The following PSG8 variants were observed in gnomAD, a reference collection of about 807,000 sequenced individuals.
PSG8 encodes the protein pregnancy-specific beta-1-glycoprotein 8.
In PSG8, 57 loss-of-function variants were observed where a neutral mutation model predicts 42.5. That is an observed-to-expected ratio of 1.34 (90% CI 1.08 to 1.67). The LOEUF (loss-of-function observed/expected upper bound fraction) is 1.67, where lower values mean the gene tolerates loss of function less well. Among genes scored for constraint, PSG8 ranks in the 40% most tolerant of loss-of-function variants. The pLI is 0.00. For synonymous variants in PSG8, 280 were observed against 196.8 expected (o/e 1.42, Z -3.54); for missense variants, 783 against 518.6 (o/e 1.51, Z -4.95).
downstream of PSG8, chr19:42,754,032 A>T: frequency 1.1e-6 from 1 of 940,456 alleles, no homozygotes; most frequent in Non-Finnish European, 1.6e-6. Context: ...AAACCATTTA[A>T]AGAATCAGCA....
At chr19:42,765,007 T>G (rs1368960980) in intron 1 of PSG8, among the ~76,000 whole-genome samples, 6 of 152,228 alleles carry the variant, frequency 3.9e-5, no homozygotes, top group Non-Finnish European at 8.8e-5. Context: ...TGGCCCCTGA[T>G]GATTAATCAG....
At chr19:42,765,379 C>T in intron 1 of PSG8, 139 bp downstream of exon 1, 1 of 1,372,470 alleles carries the variant, frequency 7.3e-7, no homozygotes. Flanking sequence ...ATCTTGAACT[C>T]CTGATCTCAT....
chr19:42,765,254 G>A (rs955857918), intron 1 of PSG8, among the ~76,000 whole-genome samples: 11 of 151,538 alleles, frequency 7.3e-5, no homozygotes, highest in Admixed American at 2.0e-4. Flanking sequence ...CTGGGTTCAC[G>A]TGATTCTTCT....
At chr19:42,760,602 A>C (rs1285721366) in intron 2 of PSG8, among the ~76,000 whole-genome samples, 1 of 151,458 alleles carries the variant, frequency 6.6e-6, no homozygotes, top group Non-Finnish European at 1.5e-5. Context: ...TTTTTTTCTG[A>C]GACAGAGTCT....
chr19:42,761,139 G>C lies in PSG8; in HGVS notation c.430+2777C>G, dbSNP rs550015905. On this transcript the variant is annotated intron_variant, in intron 2 of 4. Coordinates refer to ENST00000306511, the MANE Select transcript of PSG8 (RefSeq NM_182707.3). The stretch of plus-strand genomic sequence containing the variant: ...CGTGCAAAGATTACAACAGTGACAG[G>C]AAACTAGCATGCCTGACTCCATCTG... 2.6e-5 allele frequency among the ~76,000 whole-genome samples: 4 copies of C among 152,248 alleles called. No individual in the cohort carries two copies. The South Asian group carries it at 6.2e-4, about 24-fold the overall frequency.
chr19:42,759,616 A>G (rs1487934645), intron 2 of PSG8, among the ~76,000 whole-genome samples: 2 of 152,132 alleles, frequency 1.3e-5, no homozygotes, highest in African/African-American at 2.4e-5. Flanking sequence ...GTTTTGGAGC[A>G]TTTCAGATTG....
At chr19:42,759,420 A>T (rs1005383527) in intron 2 of PSG8, among the ~76,000 whole-genome samples, 2 of 152,314 alleles carry the variant, frequency 1.3e-5, no homozygotes, top group Admixed American at 1.3e-4. Flanking sequence ...TCTATAGTTC[A>T]TACAGATAAA....
At chr19:42,757,337 C>G (rs890658615) in intron 3 of PSG8, among the ~76,000 whole-genome samples, 1 of 152,092 alleles carries the variant, frequency 6.6e-6, no homozygotes. Flanking sequence ...CAGGGATCCA[C>G]TTACCAGGGA....
chr19:42,760,148 G>A (rs1314275818), intron 2 of PSG8, among the ~76,000 whole-genome samples: 1 of 152,176 alleles, frequency 6.6e-6, no homozygotes, highest in Non-Finnish European at 1.5e-5. Flanking sequence ...AACACCACTA[G>A]AGTTTAAGTT....
chr19:42,763,990 G>C lies in PSG8; in HGVS notation c.356C>G (p.Ser119Cys), dbSNP rs190921232. Residue 119 changes from serine to cysteine, a missense_variant, in exon 2 of 5, where the codon TCC (serine) becomes TGC (cysteine). Physicochemically the swap from Ser to Cys is moderately radical, Grantham distance 112. Coordinates refer to ENST00000306511, the MANE Select transcript of PSG8 (RefSeq NM_182707.3). ...TCCCATTATGATGTGTAAGGTGTAG[G>C]ATCCTGCGTCTTCCTGGGTGACATT... is the stretch of plus-strand genomic sequence containing the variant. ...IQNVTQEDAG[S>C]YTLHIIMGGD... 1 of 1,588,296 alleles carries C rather than the reference G, an allele frequency of 6.3e-7. No individual in the cohort carries two copies. The highest frequency in any genetic ancestry group is 2.2e-5 in the East Asian group (1 of 44,586).
chr19:42,758,170 A>T lies in PSG8; in HGVS notation c.541T>A (p.Trp181Arg). ...PETPDASYLW[W>R]MNGQSLPMSH... ...ATAGGGAGGCTCTGACCATTCATCC[A>T]CCACAGGTAGCTTGCGTCCGGAGTC... The change falls in exon 3 of 5, where the codon TGG becomes AGG. Residue 181 changes from tryptophan (W) to arginine (R), a missense_variant. Coordinates refer to ENST00000306511, the MANE Select transcript of PSG8 (RefSeq NM_182707.3). The T allele has an allele frequency of 6.2e-7, 1 of 1,614,014 alleles. No individual in the cohort carries two copies. The highest frequency in any genetic ancestry group is 2.2e-5 in the East Asian group (1 of 44,874).
At chr19:42,764,317 G>C (rs13382060) in intron 1 of PSG8, 36 bp from the exon 2 acceptor site, 137,159 of 1,591,542 alleles carry the variant, frequency 0.086, 9,726 homozygotes, top group African/African-American at 0.36. Context: ...AATATTGAGA[G>C]CTATGTATTG....
intron 2 of PSG8, among the ~76,000 whole-genome samples, chr19:42,760,699 C>T (rs1042268141): frequency 1.3e-5 from 2 of 152,078 alleles, no homozygotes; most frequent in Admixed American, 1.3e-4. Flanking sequence ...TCTCCTGCCT[C>T]AGCCTCCCAA....
In PSG8 at chr19:42,764,061, G is replaced by C. The variant is rs775439993; in HGVS notation, c.285C>G (p.Tyr95Ter). The part of the protein sequence containing the change: ...DGQIIIYGPA[Y>*]SGRETIYSNA... Reference sequence around the variant, plus strand: ...TGGAATATATTGTTTCTCGTCCACTGTATGCAGGCCCATATATAATTATTT... The same window carrying C: ...TGGAATATATTGTTTCTCGTCCACTCTATGCAGGCCCATATATAATTATTT... Residue 95 changes from tyrosine to a stop codon, truncating the protein, a stop_gained, in exon 2 of 5, where the codon TAC becomes TAG. Transcript: ENST00000306511. LOFTEE classifies it high-confidence loss of function. 1 of 1,613,792 alleles carries C rather than the reference G, an allele frequency of 6.2e-7. No homozygotes were observed. Among genetic ancestry groups the C allele is most frequent in the South Asian group, 1.1e-5 (1 of 91,060 alleles).
chr19:42,764,947 A>C (rs1970178429), intron 1 of PSG8, among the ~76,000 whole-genome samples: 2 of 151,702 alleles, frequency 1.3e-5, no homozygotes, highest in Admixed American at 1.3e-4. Flanking sequence ...GTATATTTTT[A>C]TGTGAAGTGT....
At chr19:42,757,579 TG>T (rs1337372400) in intron 3 of PSG8, among the ~76,000 whole-genome samples, 1 of 151,928 alleles carries the variant, frequency 6.6e-6, no homozygotes, top group African/African-American at 2.4e-5. Context: ...GAGGAAATGG[TG>T]GGGGCATCCA....
chr19:42,758,335 A>G lies in PSG8; in HGVS notation c.431-55T>C, dbSNP rs1041682180. The G allele has an allele frequency of 1.9e-4, 299 of 1,578,940 alleles. 1 individual carries two copies. Among genetic ancestry groups the G allele is most frequent in the Non-Finnish European group, 2.5e-4 (288 of 1,162,932 alleles). ...TGTGTGGCACCTTTGATTCCTCCAA[A>G]GGCATTTTTCAATCAGAGTTGGCAT... is the stretch of plus-strand genomic sequence containing the variant. On this transcript the variant is annotated intron_variant, in intron 2 of 4. Transcript: ENST00000306511.
chr19:42,763,803 G>C, intron 2 of PSG8, 113 bp downstream of exon 2: 1 of 1,573,108 alleles, frequency 6.4e-7, no homozygotes, highest in Non-Finnish European at 8.7e-7. Context: ...ACCCCAGCAT[G>C]GGACATAATG....
At position 42,765,415 on chromosome 19, in the gene PSG8, G is replaced by A. The variant is rs1355645570; in HGVS notation, c.64+103C>T. 5.8e-6 allele frequency: 9 copies of A among 1,544,072 alleles called. No homozygotes were observed. In the South Asian group the frequency reaches 7.8e-5, roughly 13 times the overall value. On this transcript the variant is annotated intron_variant, in intron 1 of 4. Transcript: ENST00000306511. ...GATCCACCTGCCTCAGCCTCCCAAA[G>A]TGCTGGCTTCTTTCATTTTTTAGTA... is the stretch of plus-strand genomic sequence containing the variant.
Sources: gnomAD v4.1 joint callset for allele counts (sites outside exome capture counted in the v4.1 genomes callset) on GRCh38, gnomAD v4.1.1 for gene constraint, MANE v1.5 for transcripts, NCBI Gene and HGNC (gene_info 2026-07-23, HGNC 2026-07-21) for gene names.